HTR4: variants seen among roughly 807,000 people sequenced by gnomAD.
HTR4 encodes the protein 5-hydroxytryptamine receptor 4.
In HTR4, 16 loss-of-function variants were observed where a neutral mutation model predicts 36.8. The observed-to-expected ratio is 0.43, with a 90% CI of 0.29 to 0.66. HTR4 has a LOEUF of 0.66. HTR4 is among the 30% of genes least tolerant of loss of function. The pLI is 0.13. For synonymous variants in HTR4, 189 were observed against 185.1 expected (o/e 1.02, Z -0.17); for missense variants, 438 against 490.9 (o/e 0.89, Z 1.02).
intron 2 of HTR4, among the ~76,000 whole-genome samples, chr5:148,601,040 A>G (rs1440502069): frequency 2.0e-5 from 3 of 151,226 alleles, no homozygotes; most frequent in Non-Finnish European, 4.4e-5. Context: ...AAGGATTTAA[A>G]GAGACATTTT....
At chr5:148,540,128 C>A (rs1382623973) in intron 4 of HTR4, among the ~76,000 whole-genome samples, 1 of 151,760 alleles carries the variant, frequency 6.6e-6, no homozygotes, top group East Asian at 1.9e-4. Flanking sequence ...AAGGAGAAAA[C>A]CAAATACTGC....
At chr5:148,584,761 A>C (rs1173652180) in intron 2 of HTR4, among the ~76,000 whole-genome samples, 2 of 152,192 alleles carry the variant, frequency 1.3e-5, no homozygotes, top group African/African-American at 2.4e-5. Context: ...AAGCTGAGTA[A>C]GCATTTGGGG....
chr5:148,531,206 G>A (rs774382543), intron 4 of HTR4, among the ~76,000 whole-genome samples: 5 of 152,116 alleles, frequency 3.3e-5, no homozygotes, highest in Admixed American at 6.5e-5. Flanking sequence ...CGTGAGATTT[G>A]GGAGAAGCCA....
chr5:148,509,754 T>C lies in HTR4; in HGVS notation c.778A>G (p.Thr260Ala), dbSNP rs748570140. The stretch of plus-strand genomic sequence containing the variant: ...AAGCAACCCATGATGATGCACAGGG[T>C]CTTGGCTGCTTTGGTCTCTGTCCTC... ...RMRTETKAAK[T>A]LCIIMGCFCL... Residue 260 changes from threonine to alanine, a missense_variant, in exon 6 of 7, where the codon ACC becomes GCC. Physicochemically the swap from Thr to Ala is moderately conservative, Grantham distance 58 (BLOSUM62 0). Transcript: ENST00000377888. 1 of 1,613,912 alleles carries C rather than the reference T, an allele frequency of 6.2e-7. No homozygotes were observed. Among genetic ancestry groups the C allele is most frequent in the Non-Finnish European group, 8.5e-7 (1 of 1,179,952 alleles).
At chr5:148,505,297 A>G (rs1413314812) in intron 6 of HTR4, among the ~76,000 whole-genome samples, 1 of 152,228 alleles carries the variant, frequency 6.6e-6, no homozygotes, top group Admixed American at 6.5e-5. Context: ...ATAGATGCAG[A>G]AAAGGCCTTT....
At chr5:148,637,755 CA>C (rs909559168) in intron 1 of HTR4, among the ~76,000 whole-genome samples, 6 of 152,174 alleles carry the variant, frequency 3.9e-5, no homozygotes, top group African/African-American at 7.2e-5. Context: ...CTGATCTCCA[CA>C]AAATCAACCC....
At chr5:148,545,188 A>C (rs1227764510) in intron 4 of HTR4, among the ~76,000 whole-genome samples, 3 of 152,218 alleles carry the variant, frequency 2.0e-5, no homozygotes, top group African/African-American at 4.8e-5. Flanking sequence ...TGGAGGCAAG[A>C]TCCCCAAGCT....
At chr5:148,476,703 A>G (rs780534050), downstream of HTR4, 2 of 1,610,782 alleles carry the variant, frequency 1.2e-6, no homozygotes, top group Non-Finnish European at 1.7e-6. Context: ...AGAAAAAAAA[A>G]TGAGCAATAA....
chr5:148,569,139 G>C (rs1327659679), intron 2 of HTR4, among the ~76,000 whole-genome samples: 1 of 151,916 alleles, frequency 6.6e-6, no homozygotes, highest in Non-Finnish European at 1.5e-5. Flanking sequence ...TCAGCAGAGA[G>C]TTCAGTCATA....
chr5:148,493,545 T>G (rs1756554715), intron 6 of HTR4, among the ~76,000 whole-genome samples: 2 of 152,310 alleles, frequency 1.3e-5, no homozygotes, highest in African/African-American at 4.8e-5. Flanking sequence ...GTATCAACGA[T>G]AAATGAATGA....
intron 1 of HTR4, among the ~76,000 whole-genome samples, chr5:148,640,379 A>G (rs1753690930): frequency 6.6e-6 from 1 of 152,204 alleles, no homozygotes; most frequent in Non-Finnish European, 1.5e-5. Flanking sequence ...TCCTGGCAAC[A>G]AGAATCCCTT....
At chr5:148,477,014 AAAACTC>A (rs1755719855), downstream of HTR4, among the ~76,000 whole-genome samples, 1 of 152,208 alleles carries the variant, frequency 6.6e-6, no homozygotes, top group African/African-American at 2.4e-5. Flanking sequence ...TTCTGGAAGA[AAAACTC>A]TAACAGTGGA....
intron 2 of HTR4, among the ~76,000 whole-genome samples, chr5:148,588,187 C>T (rs1410033712): frequency 2.0e-5 from 3 of 152,194 alleles, no homozygotes; most frequent in East Asian, 1.9e-4. Flanking sequence ...GTTGCAAGAC[C>T]GATAGACTTT....
chr5:148,505,751 C>A (rs1044099453), intron 6 of HTR4, among the ~76,000 whole-genome samples: 2 of 152,154 alleles, frequency 1.3e-5, no homozygotes, highest in African/African-American at 4.8e-5. Flanking sequence ...AGGGCCAAAT[C>A]ATGAGTGAAC....
In HTR4 at chr5:148,481,986, TAGAAAC is replaced by T. The variant is rs1389726423; in HGVS notation, c.*1211_*1216del. On this transcript the variant is annotated 3_prime_UTR_variant, in exon 7 of 7. Transcript: ENST00000377888. The stretch of plus-strand genomic sequence containing the variant: ...CGGCTATAGCAGCATACTGTTGTCT[TAGAAAC>T]AGAAAGAAAACTTAAAGGTCCTCTA... 9.9e-7 allele frequency: 1 copy of T among 1,013,386 alleles called. No individual in the cohort carries two copies. Among genetic ancestry groups the T allele is most frequent in the Non-Finnish European group, 1.2e-6 (1 of 848,810 alleles). The allele number at this position is 1,013,386 out of a possible 1,614,324, so 62.8% of individuals were successfully genotyped here. A position where few individuals can be genotyped will look rare whatever the true frequency, so the allele number is the denominator to read the frequency against.
chr5:148,558,641 G>A (rs1020333497), intron 2 of HTR4, among the ~76,000 whole-genome samples: 8 of 152,090 alleles, frequency 5.3e-5, no homozygotes, highest in East Asian at 1.9e-4. Context: ...GTCCCTTGTC[G>A]TGAAGATATG....
chr5:148,562,370 G>GGA (rs1246764895), intron 2 of HTR4, among the ~76,000 whole-genome samples: 3 of 152,248 alleles, frequency 2.0e-5, no homozygotes, highest in Non-Finnish European at 4.4e-5. Context: ...GAGCCTAAAA[G>GGA]GAGCCTATTT....
chr5:148,589,713 G>T (rs1761485498), intron 2 of HTR4, among the ~76,000 whole-genome samples: 1 of 151,906 alleles, frequency 6.6e-6, no homozygotes, highest in African/African-American at 2.4e-5. Flanking sequence ...GCTTTATGGA[G>T]ATATACTTTA....
chr5:148,462,935 A>G (rs1207621199), intron 5 of HTR4, among the ~76,000 whole-genome samples: 1 of 152,140 alleles, frequency 6.6e-6, no homozygotes, highest in Non-Finnish European at 1.5e-5. Flanking sequence ...AAATGCATAA[A>G]AAACATTTGA....
Sources: allele counts gnomAD v4.1 joint callset (sites outside exome capture counted in the v4.1 genomes callset), GRCh38; gene constraint gnomAD v4.1.1; transcripts MANE v1.5; gene names NCBI Gene and HGNC (gene_info 2026-07-23, HGNC 2026-07-21).